The following KCNN1 variants were observed in gnomAD, a reference collection of about 807,000 sequenced individuals.
The protein encoded by KCNN1 is potassium calcium-activated channel subfamily N member 1.
KCNN1 carries 20 observed loss-of-function variants against 44.7 expected under a neutral mutation model. The ratio of observed to expected loss-of-function variants is 0.45; its 90% CI spans 0.32 to 0.65. The LOEUF is 0.65. Among genes scored for constraint, KCNN1 ranks in the 30% least tolerant of loss-of-function variants. The pLI is 0.05. For missense variants in KCNN1, 632 were observed against 785.3 expected (o/e 0.80, Z 2.33); for synonymous variants, 324 against 341.7 (o/e 0.95, Z 0.57).
At chr19:17,976,698 G>A (rs566301188) in intron 3 of KCNN1, among the ~76,000 whole-genome samples, 13 of 151,184 alleles carry the variant, frequency 8.6e-5, no homozygotes, top group African/African-American at 2.9e-4. Flanking sequence ...GATTACAGGT[G>A]TGAGCCACCG....
chr19:17,990,821 A>G (rs1158039531), intron 7 of KCNN1, among the ~76,000 whole-genome samples: 3 of 151,468 alleles, frequency 2.0e-5, no homozygotes, highest in Admixed American at 6.6e-5. Flanking sequence ...AAAAGAAAGA[A>G]AAAGAAAAAA....
chr19:17,994,632 C>A lies in KCNN1; in HGVS notation c.1377+1073C>A, dbSNP rs866594006. On this transcript the variant is annotated intron_variant, in intron 9 of 9. Coordinates refer to ENST00000684775, the MANE Select transcript of KCNN1 (RefSeq NM_001386974.1). ...GATCTCAGCTCACTGCAACTTCCGC[C>A]TCCCGGGTTCAAGCAATTCTCGTGC... Among the ~76,000 whole-genome samples the A allele has an allele frequency of 1.3e-4, 20 of 152,154 alleles. 1 individual carries two copies. The Middle Eastern group carries it at 0.034, about 259-fold the overall frequency.
At position 17,998,451 on chromosome 19, in the gene KCNN1, G is replaced by T; in HGVS notation, c.*45G>T. ...ACCCCTAAATCTTGGCCATCGTGTG[G>T]CCGCCACCTCCGGGAAGCCTTGTAC... On this transcript the variant is annotated 3_prime_UTR_variant, in exon 10 of 10. Transcript: ENST00000684775. This position sits in a 1 kb window ranked among gnomAD's most constrained non-coding sequence, Gnocchi z 5.4. The T allele has an allele frequency of 6.9e-7, 1 of 1,447,522 alleles. No homozygotes were observed. Among genetic ancestry groups the T allele is most frequent in the African/African-American group, 1.4e-5 (1 of 70,218 alleles). The allele number at this position is 1,447,522 out of a possible 1,614,324, so 89.7% of individuals were successfully genotyped here.
intron 9 of KCNN1, among the ~76,000 whole-genome samples, chr19:17,996,072 G>A (rs1174760487): frequency 6.7e-6 from 1 of 149,904 alleles, no homozygotes; most frequent in African/African-American, 2.5e-5. Flanking sequence ...GCTCATGCCT[G>A]TAATCCTAGC....
intron 7 of KCNN1, among the ~76,000 whole-genome samples, chr19:17,990,481 CAA>C (rs539345774): frequency 7.4e-5 from 7 of 94,588 alleles, no homozygotes; most frequent in Non-Finnish European, 8.8e-5. Flanking sequence ...GACCTTGTCT[CAA>C]AAAAAAAAAA....
upstream of KCNN1, among the ~76,000 whole-genome samples, chr19:17,966,309 T>TGAGGCA (rs1028931525): frequency 6.6e-6 from 1 of 151,794 alleles, no homozygotes; most frequent in African/African-American, 2.4e-5. Context: ...GGGAACAGGG[T>TGAGGCA]GAGGCAGAGG....
chr19:17,993,917 T>A lies in KCNN1; in HGVS notation c.1377+358T>A, dbSNP rs1427992735. On this transcript the variant is annotated intron_variant, in intron 9 of 9. Transcript: ENST00000684775. This position sits in a 1 kb window ranked among gnomAD's most constrained non-coding sequence, Gnocchi z 4.5. ...AGAGTGACACCCTGTCTCAAAAAAA[T>A]GATAATAATTTTAAAAATAATTTAA... is the stretch of plus-strand genomic sequence containing the variant. 6.6e-6 allele frequency among the ~76,000 whole-genome samples: 1 copy of A among 151,124 alleles called. No individual in the cohort carries two copies. Among genetic ancestry groups the A allele is most frequent in the Admixed American group, 6.6e-5 (1 of 15,140 alleles).
At chr19:17,957,237 G>GA in intron 2 of KCNN1, among the ~76,000 whole-genome samples, 2 of 101,470 alleles carry the variant, frequency 2.0e-5, no homozygotes, top group Non-Finnish European at 4.3e-5. Context: ...AGGGGATGGT[G>GA]GGGAAGGGGA....
At chr19:17,995,744 C>T (rs1293454392) in intron 9 of KCNN1, among the ~76,000 whole-genome samples, 1 of 150,398 alleles carries the variant, frequency 6.6e-6, no homozygotes, top group Non-Finnish European at 1.5e-5. Context: ...TGCCGCCACG[C>T]CTAGCTACTT....
At position 17,985,264 on chromosome 19, in the gene KCNN1, G is replaced by C. The variant is rs2278993; in HGVS notation, c.918-48G>C. On this transcript the variant is annotated intron_variant, in intron 4 of 9. Coordinates refer to ENST00000684775, the MANE Select transcript of KCNN1 (RefSeq NM_001386974.1). The stretch of plus-strand genomic sequence containing the variant: ...CCCAGGGGGTGTGATGGAGGCAAAG[G>C]GGATGGTATAGACTGAGCCCTCCCT... 2.0e-6 allele frequency: 3 copies of C among 1,494,168 alleles called. No individual in the cohort carries two copies. In the African/African-American group the frequency reaches 4.2e-5, roughly 21 times the overall value. The allele number at this position is 1,494,168 out of a possible 1,614,324, so 92.6% of individuals were successfully genotyped here.
At chr19:17,981,364 C>T (rs1423929472) in intron 3 of KCNN1, among the ~76,000 whole-genome samples, 1 of 151,820 alleles carries the variant, frequency 6.6e-6, no homozygotes, top group African/African-American at 2.4e-5. Flanking sequence ...CTAGCCTGGC[C>T]AACATGATGA....
intron 7 of KCNN1, 119 bp downstream of exon 7, chr19:17,989,962 G>A: frequency 6.9e-7 from 1 of 1,441,288 alleles, no homozygotes; most frequent in South Asian, 1.2e-5. Flanking sequence ...AGTTGGTTGG[G>A]GCCTGCATCT....
At chr19:17,957,048 CAAAAA>C (rs1033352603) in intron 2 of KCNN1, among the ~76,000 whole-genome samples, 1 of 114,322 alleles carries the variant, frequency 8.7e-6, no homozygotes, top group Non-Finnish European at 1.7e-5. Flanking sequence ...GAGACTGTCT[CAAAAA>C]ACAAAACAAA....
chr19:17,979,078 A>AAAAC (rs1205239213), intron 3 of KCNN1, among the ~76,000 whole-genome samples: 1 of 150,478 alleles, frequency 6.6e-6, no homozygotes, highest in African/African-American at 2.4e-5. Context: ...AAAACAAAAC[A>AAAAC]AAACAAACAA....
At chr19:17,980,228 A>ATTT (rs34810089) in intron 3 of KCNN1, among the ~76,000 whole-genome samples, 496 of 44,490 alleles carry the variant, frequency 0.011, 42 homozygotes, top group African/African-American at 0.021. Flanking sequence ...CACCTAGCTA[A>ATTT]TTTTTTTTTT....
chr19:17,983,590 C>T lies in KCNN1; in HGVS notation c.917+1463C>T, dbSNP rs942739304. 6.3e-4 allele frequency among the ~76,000 whole-genome samples: 95 copies of T among 150,752 alleles called. 1 individual carries two copies. The highest frequency in any genetic ancestry group is 4.1e-4 in the South Asian group (2 of 4,824). On this transcript the variant is annotated intron_variant, in intron 4 of 9. Coordinates refer to ENST00000684775, the MANE Select transcript of KCNN1 (RefSeq NM_001386974.1). This position sits in a 1 kb window ranked among gnomAD's most constrained non-coding sequence, Gnocchi z 4.5. ...GTCCAAGCTGGGTCCTTGCAGGGCT[C>T]TGGGGGGGTGGGGCACGGGGCAGGG...
Position 17,998,170 on chromosome 19 carries a change from G to C in KCNN1, c.1396G>C (p.Asp466His), listed in dbSNP as rs781532157. ...CCCGCAGACCCAGACCGTCATGTAC[G>C]ACCTTGTATCGGAGCTGCACGCTCA... ...DLAKTQTVMY[D>H]LVSELHAQHE... The change falls in exon 10 of 10, where the codon GAC becomes CAC. Residue 466 changes from aspartate (D) to histidine (H), a missense_variant. Coordinates refer to ENST00000684775, the MANE Select transcript of KCNN1 (RefSeq NM_001386974.1). This position sits in a 1 kb window ranked among gnomAD's most constrained non-coding sequence, Gnocchi z 5.4. The C allele has an allele frequency of 6.2e-7, 1 of 1,600,374 alleles. No homozygotes were observed. Among genetic ancestry groups the C allele is most frequent in the Non-Finnish European group, 8.5e-7 (1 of 1,174,490 alleles).
Position 17,998,032 on chromosome 19 carries a change from T to C in KCNN1, c.1378-120T>C. ...CAGCCACCCCTCACACGGGCCCCATTAGTGGCTGGCACCCACCTGGAGCGT... is the reference window on the plus strand; with the variant it reads ...CAGCCACCCCTCACACGGGCCCCATCAGTGGCTGGCACCCACCTGGAGCGT... On this transcript the variant is annotated intron_variant, in intron 9 of 9. Coordinates refer to ENST00000684775, the MANE Select transcript of KCNN1 (RefSeq NM_001386974.1). This position sits in a 1 kb window ranked among gnomAD's most constrained non-coding sequence, Gnocchi z 5.4. 8.7e-7 allele frequency: 1 copy of C among 1,146,806 alleles called. No homozygotes were observed. The highest frequency in any genetic ancestry group is 1.2e-6 in the Non-Finnish European group (1 of 846,330). 71.0% of individuals were successfully genotyped at this position (1,146,806 alleles called of 1,614,324 possible).
chr19:17,994,972 T>C (rs1189726664), intron 9 of KCNN1, among the ~76,000 whole-genome samples: 1 of 152,194 alleles, frequency 6.6e-6, no homozygotes, highest in Non-Finnish European at 1.5e-5. Context: ...TTTCAGAAAA[T>C]AGCTTTTGCT....
Sources: gnomAD v4.1 joint callset for allele counts (sites outside exome capture counted in the v4.1 genomes callset) on GRCh38, gnomAD v4.1.1 for gene constraint, Gnocchi (gnomAD v3.1) non-coding constraint, MANE v1.5 for transcripts, NCBI Gene and HGNC (gene_info 2026-07-23, HGNC 2026-07-21) for gene names.